CIDEB: variants seen among roughly 807,000 people sequenced by gnomAD.
CIDEB encodes cell death inducing DFFA like effector b, also known as lipid transferase CIDEB.
A neutral mutation model predicts 22.4 loss-of-function variants in CIDEB; 27 were observed. The ratio of observed to expected loss-of-function variants is 1.21; its 90% CI spans 0.89 to 1.66. The LOEUF is 1.66. Among genes scored for constraint, CIDEB ranks in the 40% most tolerant of loss-of-function variants. CIDEB has a pLI of 0.00. For synonymous variants in CIDEB, 103 were observed against 109.5 expected, an observed-to-expected ratio of 0.94 and a Z score of 0.37; for missense variants, 289 against 268.7, an observed-to-expected ratio of 1.08 and a Z score of -0.53.
At chr14:24,308,167 A>C, upstream of CIDEB, 2 of 410,594 alleles carry the variant, frequency 4.9e-6, no homozygotes, top group Non-Finnish European at 8.9e-6. Context: ...AAAAGGATGA[A>C]ATGTGACTTC....
Position 24,305,772 on chromosome 14 carries a change from G to A in CIDEB, c.528-7C>T, listed in dbSNP as rs1398820612. 1 of 1,612,664 alleles carries A rather than the reference G, an allele frequency of 6.2e-7. No individual in the cohort carries two copies. On this transcript the variant is annotated splice_polypyrimidine_tract_variant and splice_region_variant and intron_variant, in intron 4 of 4. Transcript: ENST00000554411. ...GGTCCAACGAAGGAGCTCCCTGAATGGCAGAGACAAGAGGAAATCAGATGA... is the reference window on the plus strand; with the variant it reads ...GGTCCAACGAAGGAGCTCCCTGAATAGCAGAGACAAGAGGAAATCAGATGA...
Position 24,306,344 on chromosome 14 carries a change from T to C in CIDEB, c.336+30A>G, listed in dbSNP as rs781110630. 5.0e-6 allele frequency: 8 copies of C among 1,613,774 alleles called. No individual in the cohort carries two copies. The South Asian group carries it at 7.7e-5, about 16-fold the overall frequency. The stretch of plus-strand genomic sequence containing the variant: ...CCGGGAAAGCTCTAAAGGACAGGCA[T>C]TGGAAGCAGCCCCAGTATAGGCCTC... On this transcript the variant is annotated intron_variant, in intron 3 of 4. Coordinates refer to ENST00000554411, the MANE Select transcript of CIDEB (RefSeq NM_001393339.1).
At chr14:24,308,193 T>G, upstream of CIDEB, 1 of 358,420 alleles carries the variant, frequency 2.8e-6, no homozygotes. Flanking sequence ...TTTTTTTATT[T>G]CTATGGAGGG....
Position 24,307,860 on chromosome 14 carries a change from G to A in CIDEB, c.-2C>T, listed in dbSNP as rs753369849. ...GTTCAGAGCTGAGAGGTACTCCATG[G>A]TGGACCGGAGAGTTCCTTCCCTGGA... On this transcript the variant is annotated 5_prime_UTR_variant, in exon 1 of 5. Transcript: ENST00000554411. 6.3e-7 allele frequency: 1 copy of A among 1,589,266 alleles called. No individual in the cohort carries two copies. Among genetic ancestry groups the A allele is most frequent in the South Asian group, 1.1e-5 (1 of 87,278 alleles).
Position 24,307,938 on chromosome 14 carries a change from G to A in CIDEB, c.-80C>T. 1 of 1,296,202 alleles carries A rather than the reference G, an allele frequency of 7.7e-7. No homozygotes were observed. The highest frequency in any genetic ancestry group is 1.1e-6 in the Non-Finnish European group (1 of 914,394). The allele number at this position is 1,296,202 out of a possible 1,614,324, so 80.3% of individuals were successfully genotyped here. A position where few individuals can be genotyped will look rare whatever the true frequency, so the allele number is the denominator to read the frequency against. On this transcript the variant is annotated 5_prime_UTR_variant, in exon 1 of 5. Transcript: ENST00000554411. ...TGCTGGGGCTTTAGTGGTGTTTTCT[G>A]TTACAAACCTGGGATCTCAGCCCAG...
intron 2 of CIDEB, 61 bp from the exon 3 acceptor site, chr14:24,306,584 T>G: frequency 6.2e-7 from 1 of 1,606,298 alleles, no homozygotes; most frequent in Non-Finnish European, 8.5e-7. Context: ...CCTCTTTAGC[T>G]GCCCAACATC....
At chr14:24,310,859 G>C (rs772981580), upstream of CIDEB, 1 of 1,591,496 alleles carries the variant, frequency 6.3e-7, no homozygotes, top group Admixed American at 1.7e-5. Context: ...TGCACCTGGC[G>C]CTGGCCGACG....
upstream of CIDEB, chr14:24,309,479 C>T (rs2041620550): frequency 6.6e-6 from 1 of 152,234 alleles, no homozygotes. Flanking sequence ...CCCCTCAAAT[C>T]TCTTCATTTC....
At chr14:24,311,025 C>G (rs932887891), upstream of CIDEB, 11 of 1,583,278 alleles carry the variant, frequency 6.9e-6, no homozygotes, top group Non-Finnish European at 9.4e-6. Context: ...GCAGCGCTGC[C>G]TCGCAGTCAC....
upstream of CIDEB, chr14:24,308,126 C>T (rs910559749): frequency 9.4e-6 from 5 of 534,614 alleles, no homozygotes; most frequent in African/African-American, 5.7e-5. Flanking sequence ...TTGGTGATGA[C>T]ATGTGTTGTG....
chr14:24,305,354 G>A lies in CIDEB; in HGVS notation c.*279C>T, dbSNP rs2041463944. 3 of 562,174 alleles carry A rather than the reference G, an allele frequency of 5.3e-6. No homozygotes were observed. Among genetic ancestry groups the A allele is most frequent in the Non-Finnish European group, 9.0e-6 (3 of 332,872 alleles). The allele number at this position is 562,174 out of a possible 1,614,324, so 34.8% of individuals were successfully genotyped here. On this transcript the variant is annotated 3_prime_UTR_variant, in exon 5 of 5. Transcript: ENST00000554411. Reference sequence around the variant, plus strand: ...GATTAGATGTAGCAGCAGTCAGGCTGGGATCAAGATGCCTGGGGGACATCT... The same window carrying A: ...GATTAGATGTAGCAGCAGTCAGGCTAGGATCAAGATGCCTGGGGGACATCT...
chr14:24,305,392 T>C lies in CIDEB; in HGVS notation c.*241A>G, dbSNP rs1195104984. The C allele has an allele frequency of 3.4e-6, 2 of 587,396 alleles. No homozygotes were observed. Among genetic ancestry groups the C allele is most frequent in the Non-Finnish European group, 5.7e-6 (2 of 352,974 alleles). The allele number at this position is 587,396 out of a possible 1,614,324, so 36.4% of individuals were successfully genotyped here. ...CTGGGGGACATCTTGATCTTGGCCT[T>C]TCAGGGCAAGTGGGAGGCCAGAAAG... On this transcript the variant is annotated 3_prime_UTR_variant, in exon 5 of 5. Coordinates refer to ENST00000554411, the MANE Select transcript of CIDEB (RefSeq NM_001393339.1).
chr14:24,311,234 C>A, upstream of CIDEB: 1 of 1,608,836 alleles, frequency 6.2e-7, no homozygotes. Context: ...TGACCGCTTT[C>A]GTGCTTCCTT....
In CIDEB at chr14:24,306,360, T is replaced by G. The variant is rs2041506886; in HGVS notation, c.336+14A>C. ...GGACAGGCATTGGAAGCAGCCCCAG[T>G]ATAGGCCTCTTACCCTTGTAGGGCT... is the stretch of plus-strand genomic sequence containing the variant. On this transcript the variant is annotated intron_variant, in intron 3 of 4. Coordinates refer to ENST00000554411, the MANE Select transcript of CIDEB (RefSeq NM_001393339.1). The G allele has an allele frequency of 1.2e-6, 2 of 1,614,154 alleles. No individual in the cohort carries two copies. The highest frequency in any genetic ancestry group is 2.2e-5 in the South Asian group (2 of 91,086).
chr14:24,310,513 G>A (rs1252268538), upstream of CIDEB: 9 of 841,410 alleles, frequency 1.1e-5, no homozygotes, highest in Non-Finnish European at 1.6e-5. Flanking sequence ...CTGGGTCCTC[G>A]TGGAAGTCAG....
intron 4 of CIDEB, 30 bp from the exon 5 acceptor site, chr14:24,305,795 T>A: frequency 1.6e-5 from 26 of 1,607,960 alleles, no homozygotes; most frequent in Non-Finnish European, 2.2e-5. Context: ...GGAAATCAGA[T>A]GATTTGGAAA....
chr14:24,309,002 C>T (rs1466606022), upstream of CIDEB: 1 of 152,264 alleles, frequency 6.6e-6, no homozygotes, highest in Non-Finnish European at 1.5e-5. Flanking sequence ...TCGTAAACTC[C>T]ATACCCTGAC....
chr14:24,307,921 C>T lies in CIDEB; in HGVS notation c.-63G>A, dbSNP rs2041571225. ...TGGGTGGTTCTCTCCTGTGCTGGGG[C>T]TTTAGTGGTGTTTTCTGTTACAAAC... On this transcript the variant is annotated 5_prime_UTR_variant, in exon 1 of 5. Coordinates refer to ENST00000554411, the MANE Select transcript of CIDEB (RefSeq NM_001393339.1). The T allele has an allele frequency of 2.1e-6, 3 of 1,426,422 alleles. No homozygotes were observed. Among genetic ancestry groups the T allele is most frequent in the South Asian group, 2.4e-5 (2 of 81,682 alleles). The allele number at this position is 1,426,422 out of a possible 1,614,324, so 88.4% of individuals were successfully genotyped here.
chr14:24,306,773 C>CA, intron 2 of CIDEB: 1 of 525,072 alleles, frequency 1.9e-6, no homozygotes, highest in Non-Finnish European at 3.4e-6. Context: ...CCCTCCAAGT[C>CA]ACTTCTGGTT....
Sources: allele counts gnomAD v4.1 joint callset, GRCh38; gene constraint gnomAD v4.1.1; transcripts MANE v1.5; gene names NCBI Gene and HGNC (gene_info 2026-07-23, HGNC 2026-07-21).